The following DNAI2 variants were observed in gnomAD, a reference collection of about 807,000 sequenced individuals.
DNAI2 encodes the protein dynein axonemal intermediate chain 2.
DNAI2 carries 63 observed loss-of-function variants against 74.7 expected under a neutral mutation model. That is an observed-to-expected ratio of 0.84 (90% CI 0.69 to 1.04). The LOEUF (loss-of-function observed/expected upper bound fraction) is 1.04, where lower values mean the gene tolerates loss of function less well. Among genes scored for constraint, DNAI2 ranks in the 50% least tolerant of loss-of-function variants. The probability of loss-of-function intolerance (pLI) is 0.00; values close to 1 mark genes in which losing one functional copy is unlikely to be tolerated. For synonymous variants in DNAI2, 289 were observed against 314.9 expected (o/e 0.92, Z 0.87); for missense variants, 688 against 803.2 (o/e 0.86, Z 1.73).
intron 5 of DNAI2, among the ~76,000 whole-genome samples, chr17:74,290,704 G>A (rs1247723142): frequency 6.6e-6 from 1 of 152,190 alleles, no homozygotes; most frequent in Non-Finnish European, 1.5e-5. Context: ...TTGACTTTGT[G>A]TAAAAACTTT....
intron 11 of DNAI2, 70 bp from the exon 12 acceptor site, chr17:74,311,933 G>C: frequency 6.8e-7 from 1 of 1,470,038 alleles, no homozygotes; most frequent in South Asian, 1.2e-5. Context: ...GCCCCACCTG[G>C]CCCCAGCACT....
intron 1 of DNAI2, among the ~76,000 whole-genome samples, chr17:74,276,860 G>A (rs114400019): frequency 0.012 from 1,783 of 152,312 alleles, 44 homozygotes; most frequent in African/African-American, 0.041. Flanking sequence ...GAGACAGGCA[G>A]CCCTAATTGC....
At chr17:74,308,769 GC>G (rs1308581469) in intron 9 of DNAI2, among the ~76,000 whole-genome samples, 7 of 152,022 alleles carry the variant, frequency 4.6e-5, no homozygotes, top group African/African-American at 1.7e-4. Context: ...CGATCTTCCT[GC>G]CTTGGCCTCC....
intron 6 of DNAI2, among the ~76,000 whole-genome samples, chr17:74,294,808 T>C (rs2052338431): frequency 6.6e-6 from 1 of 152,218 alleles, no homozygotes; most frequent in South Asian, 2.1e-4. Context: ...ATGGAATATT[T>C]ACAACCATTA....
chr17:74,281,858 T>C lies in DNAI2; in HGVS notation c.41T>C (p.Phe14Ser). ...VYVYVKKRSE[F>S]GKQCNFSDRQ... Reference sequence around the variant, plus strand: ...GTGTACGTCAAGAAGCGCAGCGAGTTCGGGAAGCAGTGCAATTTCTCGGAC... The same window carrying C: ...GTGTACGTCAAGAAGCGCAGCGAGTCCGGGAAGCAGTGCAATTTCTCGGAC... The change falls in exon 2 of 14, where the codon TTC becomes TCC. Residue 14 changes from phenylalanine (F) to serine (S), a missense_variant. Phe to Ser is a radical substitution (Grantham distance 155). Transcript: ENST00000311014. 6.2e-7 allele frequency: 1 copy of C among 1,613,920 alleles called. No homozygotes were observed. The highest frequency in any genetic ancestry group is 8.5e-7 in the Non-Finnish European group (1 of 1,180,000).
At chr17:74,297,231 G>A (rs1219856619) in intron 6 of DNAI2, among the ~76,000 whole-genome samples, 1 of 150,016 alleles carries the variant, frequency 6.7e-6, no homozygotes, top group East Asian at 2.0e-4. Flanking sequence ...GACTACAGGT[G>A]CCCGCCACCA....
rs1273669047 is a variant in DNAI2 at position 74,312,071 on chromosome 17, G to GAAGGGT, written c.1568_1573dup (p.Gly523_Lys524dup). On this transcript the variant is annotated inframe_insertion, in exon 12 of 14. Coordinates refer to ENST00000311014, the MANE Select transcript of DNAI2 (RefSeq NM_023036.6). ...GGCACCGGGAGATGCGGCTGAAGGA[G>GAAGGGT]AAGGGTAAGGCGGAGGGCAGGGATG... 6.2e-7 allele frequency: 1 copy of GAAGGGT among 1,613,058 alleles called. No homozygotes were observed. Among genetic ancestry groups the GAAGGGT allele is most frequent in the South Asian group, 1.1e-5 (1 of 91,034 alleles).
At chr17:74,308,949 G>A (rs1349964684) in intron 9 of DNAI2, among the ~76,000 whole-genome samples, 1 of 151,034 alleles carries the variant, frequency 6.6e-6, no homozygotes, top group East Asian at 2.0e-4. Flanking sequence ...AGTAATCCCA[G>A]TTACTCGGGA....
At chr17:74,298,841 C>A (rs1368098014) in intron 6 of DNAI2, among the ~76,000 whole-genome samples, 1 of 152,124 alleles carries the variant, frequency 6.6e-6, no homozygotes, top group Admixed American at 6.6e-5. Flanking sequence ...CCAAGCTGCT[C>A]TTGGATTCCT....
chr17:74,281,739 C>G lies in DNAI2; in HGVS notation c.-11-68C>G, dbSNP rs1466222787. 3 of 1,518,898 alleles carry G rather than the reference C, an allele frequency of 2.0e-6. No individual in the cohort carries two copies. The Admixed American group carries it at 5.0e-5, about 25-fold the overall frequency. The allele number at this position is 1,518,898 out of a possible 1,614,324, so 94.1% of individuals were successfully genotyped here. A position where few individuals can be genotyped will look rare whatever the true frequency, so the allele number is the denominator to read the frequency against. On this transcript the variant is annotated intron_variant, in intron 1 of 13. Transcript: ENST00000311014. ...GATTGAGAACCTGGAGCTGTCCTGG[C>G]AGGACCTGTGGAGATAGGGAAGGGG...
intron 1 of DNAI2, among the ~76,000 whole-genome samples, chr17:74,277,451 A>G (rs2051158508): frequency 6.6e-6 from 1 of 152,104 alleles, no homozygotes; most frequent in South Asian, 2.1e-4. Flanking sequence ...CAGTCTGGTT[A>G]AGGTTGAGTT....
intron 2 of DNAI2, among the ~76,000 whole-genome samples, chr17:74,283,769 A>G (rs1035885381): frequency 2.6e-5 from 4 of 151,966 alleles, no homozygotes; most frequent in African/African-American, 9.7e-5. Context: ...AAAATTAGCC[A>G]CGTGTGGTGG....
At chr17:74,274,647 G>C (rs1221997134) in intron 1 of DNAI2, among the ~76,000 whole-genome samples, 2 of 152,068 alleles carry the variant, frequency 1.3e-5, no homozygotes, top group Non-Finnish European at 2.9e-5. Context: ...GTGGACTGGA[G>C]ACCTCTGAAG....
chr17:74,290,868 AG>A (rs755797250), intron 5 of DNAI2, 151 bp from the exon 6 acceptor site: 59 of 773,458 alleles, frequency 7.6e-5, no homozygotes, highest in Admixed American at 1.2e-4. Flanking sequence ...AAGGTGGACC[AG>A]GGGGTGCAGG....
At chr17:74,290,924 C>T (rs2052049474) in intron 5 of DNAI2, 96 bp from the exon 6 acceptor site, 1 of 1,058,050 alleles carries the variant, frequency 9.5e-7, no homozygotes, top group African/African-American at 1.6e-5. Context: ...CCTCTGCCAC[C>T]ATGCCCCCGC....
In DNAI2 at chr17:74,289,680, T is replaced by A; in HGVS notation, c.554T>A (p.Leu185Ter). 6.2e-7 allele frequency: 1 copy of A among 1,614,032 alleles called. No homozygotes were observed. The highest frequency in any genetic ancestry group is 8.5e-7 in the Non-Finnish European group (1 of 1,179,992). The change falls in exon 5 of 14, where the codon TTG becomes TAG. Residue 185 changes from leucine to a stop codon, truncating the protein, a stop_gained. Coordinates refer to ENST00000311014, the MANE Select transcript of DNAI2 (RefSeq NM_023036.6). LOFTEE classifies it high-confidence loss of function. ...AAGTTGGCAGTGGCATACTCCTGCT[T>A]GGATTTTCAGCGGGCACCTGTGGGC... ...NRKLAVAYSC[L>*]DFQRAPVGMS...
At chr17:74,304,179 C>CTTTTTTTTTTTTTTTTT (rs1274454696) in intron 8 of DNAI2, among the ~76,000 whole-genome samples, 1 of 101,942 alleles carries the variant, frequency 9.8e-6, no homozygotes, top group Non-Finnish European at 2.1e-5. Flanking sequence ...TTTTCTTTTT[C>CTTTTTTTTTTTTTTTTT]TTTTTTCTTT....
chr17:74,277,751 G>A (rs879852698), intron 1 of DNAI2, among the ~76,000 whole-genome samples: 2 of 152,230 alleles, frequency 1.3e-5, no homozygotes, highest in Non-Finnish European at 2.9e-5. Context: ...TGAAAAACAC[G>A]AATTGCTAGG....
chr17:74,287,017 T>C lies in DNAI2; in HGVS notation c.386T>C (p.Ile129Thr). The C allele has an allele frequency of 5.0e-6, 8 of 1,613,854 alleles. No individual in the cohort carries two copies. The highest frequency in any genetic ancestry group is 6.8e-6 in the Non-Finnish European group (8 of 1,179,838). The part of the protein sequence containing the change: ...HCIKQNNAID[I>T]YEEYFNDEEA... ...ATCAAGCAGAACAATGCCATTGACA[T>C]CTATGAAGAGTATTTCAATGACGAG... The change falls in exon 4 of 14, where the codon ATC becomes ACC. Residue 129 changes from isoleucine to threonine, a missense_variant. Physicochemically the swap from Ile to Thr is moderately conservative, Grantham distance 89. Coordinates refer to ENST00000311014, the MANE Select transcript of DNAI2 (RefSeq NM_023036.6).
Sources: gnomAD v4.1 joint callset for allele counts (sites outside exome capture counted in the v4.1 genomes callset) on GRCh38, gnomAD v4.1.1 for gene constraint, MANE v1.5 for transcripts, NCBI Gene and HGNC (gene_info 2026-07-23, HGNC 2026-07-21) for gene names.